EPC2: variants seen among roughly 807,000 people sequenced by gnomAD.
EPC2 encodes the protein enhancer of polycomb homolog 2.
Under a neutral mutation model 92.1 loss-of-function variants are expected in EPC2, and 14 were observed. The ratio of observed to expected loss-of-function variants is 0.15; its 90% CI spans 0.10 to 0.24. The LOEUF (loss-of-function observed/expected upper bound fraction) is 0.24. Ranked by LOEUF, EPC2 falls within the 10% of genes least tolerant of loss-of-function variation. The pLI is 1.00. For missense variants in EPC2, 755 were observed against 971.5 expected (o/e 0.78, Z 2.96); for synonymous variants, 340 against 334.7 (o/e 1.02, Z -0.17).
intron 7 of EPC2, among the ~76,000 whole-genome samples, chr2:148,767,118 AGCCAG>A (rs1166664491): frequency 1.3e-5 from 2 of 151,666 alleles, no homozygotes; most frequent in Non-Finnish European, 2.9e-5. Flanking sequence ...GGATTGCTCG[AGCCAG>A]GGAGATGAAG....
At chr2:148,653,376 A>G (rs914115250) in intron 1 of EPC2, among the ~76,000 whole-genome samples, 9 of 152,246 alleles carry the variant, frequency 5.9e-5, no homozygotes, top group South Asian at 2.1e-4. Context: ...AAGGAGACCA[A>G]TGCAGATGGC....
At chr2:148,691,157 T>C (rs1419729526) in intron 2 of EPC2, among the ~76,000 whole-genome samples, 1 of 152,222 alleles carries the variant, frequency 6.6e-6, no homozygotes, top group Admixed American at 6.5e-5. Context: ...TGAAGACTTT[T>C]AACAATCTCC....
chr2:148,648,571 T>G (rs1683853655), intron 1 of EPC2, among the ~76,000 whole-genome samples: 1 of 152,232 alleles, frequency 6.6e-6, no homozygotes, highest in African/African-American at 2.4e-5. Flanking sequence ...GCTGGGTGTC[T>G]CTGAACTGTG....
intron 1 of EPC2, among the ~76,000 whole-genome samples, chr2:148,662,659 GA>G (rs1680962776): frequency 2.0e-5 from 3 of 151,844 alleles, no homozygotes; most frequent in Admixed American, 2.0e-4. Context: ...ACACACCGGG[GA>G]CTGTTGTGGG....
intron 1 of EPC2, among the ~76,000 whole-genome samples, chr2:148,686,499 A>G (rs1056226666): frequency 2.6e-5 from 4 of 152,202 alleles, no homozygotes; most frequent in Non-Finnish European, 4.4e-5. Flanking sequence ...TGAATCATGA[A>G]TGTTCTTAAT....
intron 1 of EPC2, among the ~76,000 whole-genome samples, chr2:148,664,483 G>T (rs1681018875): frequency 6.6e-6 from 1 of 152,234 alleles, no homozygotes; most frequent in Non-Finnish European, 1.5e-5. Flanking sequence ...GGGCGACAGA[G>T]TGAGTCAATG....
intron 7 of EPC2, among the ~76,000 whole-genome samples, chr2:148,767,864 A>T (rs781541417): frequency 6.6e-6 from 1 of 152,188 alleles, no homozygotes; most frequent in Non-Finnish European, 1.5e-5. Flanking sequence ...AGACTTTGTG[A>T]CACTTCCTGT....
At chr2:148,690,174 T>C (rs1681614585) in intron 1 of EPC2, 40 bp from the exon 2 acceptor site, 1 of 1,540,658 alleles carries the variant, frequency 6.5e-7, no homozygotes, top group Non-Finnish European at 8.7e-7. Context: ...TTGATTAATA[T>C]TACTAAAACA....
At chr2:148,661,517 G>A (rs1237796147) in intron 1 of EPC2, among the ~76,000 whole-genome samples, 1 of 152,042 alleles carries the variant, frequency 6.6e-6, no homozygotes, top group Non-Finnish European at 1.5e-5. Flanking sequence ...TTTCCCTGTT[G>A]TGTTTGCAAA....
Position 148,731,480 on chromosome 2 carries a change from A to G in EPC2, c.314-12142A>G, listed in dbSNP as rs955298746. ...TGCAATGGCACAGTCTCCGCTCACT[A>G]CAACCTCCGCCTCCGGGGTTCAAGC... is the stretch of plus-strand genomic sequence containing the variant. On this transcript the variant is annotated intron_variant, in intron 2 of 13. Coordinates refer to ENST00000258484, the MANE Select transcript of EPC2 (RefSeq NM_015630.4). Among the ~76,000 whole-genome samples the G allele has an allele frequency of 2.6e-5, 4 of 152,174 alleles. No homozygotes were observed. The East Asian group carries it at 5.8e-4, about 22-fold the overall frequency.
At chr2:148,659,935 A>C (rs1680898916) in intron 1 of EPC2, among the ~76,000 whole-genome samples, 1 of 152,136 alleles carries the variant, frequency 6.6e-6, no homozygotes, top group South Asian at 2.1e-4. Context: ...ATTTCTCTGT[A>C]AACTAGAAAA....
intron 2 of EPC2, 60 bp downstream of exon 2, chr2:148,690,433 C>A: frequency 6.9e-7 from 1 of 1,441,256 alleles, no homozygotes; most frequent in Non-Finnish European, 9.2e-7. Context: ...CAGTGGAAAT[C>A]TTTTCTTTTG....
At chr2:148,656,052 T>C (rs987399962) in intron 1 of EPC2, among the ~76,000 whole-genome samples, 6 of 133,782 alleles carry the variant, frequency 4.5e-5, no homozygotes, top group Non-Finnish European at 9.5e-5. Context: ...TTCTAGAAAA[T>C]TTCTAGACAA....
At chr2:148,684,449 G>A (rs940204764) in intron 1 of EPC2, among the ~76,000 whole-genome samples, 8 of 152,246 alleles carry the variant, frequency 5.3e-5, no homozygotes, top group South Asian at 2.1e-4. Flanking sequence ...GAGTTTTTCC[G>A]ATGTTATGTT....
chr2:148,653,409 G>C (rs1256553678), intron 1 of EPC2, among the ~76,000 whole-genome samples: 1 of 152,188 alleles, frequency 6.6e-6, no homozygotes, highest in East Asian at 1.9e-4. Flanking sequence ...ATGATTATTT[G>C]ATTTTAACTT....
At chr2:148,726,651 C>T (rs1289287015) in intron 2 of EPC2, among the ~76,000 whole-genome samples, 1 of 149,826 alleles carries the variant, frequency 6.7e-6, no homozygotes, top group Non-Finnish European at 1.5e-5. Flanking sequence ...TTTTTCATAC[C>T]TCAAAAGAGT....
intron 1 of EPC2, among the ~76,000 whole-genome samples, chr2:148,662,406 T>C (rs548765161): frequency 1.3e-5 from 2 of 152,250 alleles, no homozygotes; most frequent in South Asian, 4.2e-4. Flanking sequence ...AGCAAAGACT[T>C]GGAACCAACC....
intron 1 of EPC2, among the ~76,000 whole-genome samples, chr2:148,685,480 G>T (rs1011720753): frequency 1.3e-5 from 2 of 152,198 alleles, no homozygotes; most frequent in African/African-American, 4.8e-5. Flanking sequence ...AGTTATGCTG[G>T]CTGGGCACGG....
At chr2:148,645,292 C>A in intron 1 of EPC2, 122 bp downstream of exon 1, 1 of 856,806 alleles carries the variant, frequency 1.2e-6, no homozygotes, top group Non-Finnish European at 1.8e-6. Context: ...CTCTAACGCA[C>A]GGGACTCTAC....
Sources: allele counts gnomAD v4.1 joint callset (sites outside exome capture counted in the v4.1 genomes callset), GRCh38; gene constraint gnomAD v4.1.1; transcripts MANE v1.5; gene names NCBI Gene and HGNC (gene_info 2026-07-23, HGNC 2026-07-21).